The following SYNE3 variants were observed in gnomAD, a reference collection of about 807,000 sequenced individuals.
The protein encoded by SYNE3 is nesprin-3.
SYNE3 carries 100 observed loss-of-function variants against 111.2 expected under a neutral mutation model. The ratio of observed to expected loss-of-function variants is 0.90; its 90% confidence interval spans 0.77 to 1.06. SYNE3 has a LOEUF of 1.06. Among genes scored for constraint, SYNE3 ranks in the 50% least tolerant of loss-of-function variants. The probability of loss-of-function intolerance (pLI) is 0.00; values close to 1 mark genes in which losing one functional copy is unlikely to be tolerated. For missense variants in SYNE3, 1,160 were observed against 1,240.3 expected, an observed-to-expected ratio of 0.94 and a Z score of 0.97; for synonymous variants, 547 against 533.9, an observed-to-expected ratio of 1.02 and a Z score of -0.34.
intron 17 of SYNE3, among the ~76,000 whole-genome samples, chr14:95,428,947 TC>T (rs1885586393): frequency 6.6e-6 from 1 of 152,152 alleles, no homozygotes; most frequent in Non-Finnish European, 1.5e-5. Flanking sequence ...TAAGTATTTT[TC>T]CCCCTTTCCC....
chr14:95,469,899 G>A (rs989652571), intron 2 of SYNE3, among the ~76,000 whole-genome samples: 1 of 145,712 alleles, frequency 6.9e-6, no homozygotes, highest in Admixed American at 6.9e-5. Context: ...TGATGATGAC[G>A]ATGATGATAA....
At position 95,436,830 on chromosome 14, in the gene SYNE3, G is replaced by A. The variant is rs758715860; in HGVS notation, c.2528C>T (p.Ser843Leu). The A allele has an allele frequency of 1.2e-5, 19 of 1,614,066 alleles. No individual in the cohort carries two copies. Among genetic ancestry groups the A allele is most frequent in the East Asian group, 4.5e-5 (2 of 44,882 alleles). ...TCCTGGGGAACAGACCTGCAGCTTC[G>A]ATTTTCTGGTCCTCAAGTCCTCAGC... is the stretch of plus-strand genomic sequence containing the variant. ...STAEDLRTRK[S>L]KLQELEARVP... Residue 843 changes from serine (S) to leucine (L), a missense_variant, in exon 15 of 18, where the codon TCG (serine) becomes TTG (leucine). By Grantham distance (145) the Ser-to-Leu change is moderately radical. Transcript: ENST00000682763.
intron 17 of SYNE3, 77 bp from the exon 18 acceptor site, chr14:95,418,103 A>G: frequency 6.7e-7 from 1 of 1,497,600 alleles, no homozygotes; most frequent in Non-Finnish European, 9.2e-7. Context: ...GGCGAGGAGG[A>G]TGCCAGGAGC....
intron 17 of SYNE3, among the ~76,000 whole-genome samples, chr14:95,421,818 T>C (rs549317869): frequency 1.3e-5 from 2 of 152,328 alleles, no homozygotes; most frequent in Admixed American, 6.5e-5. Flanking sequence ...CCTCACGTCC[T>C]ATCGCCACAG....
At chr14:95,514,519 T>C (rs1319358792) in intron 1 of SYNE3, among the ~76,000 whole-genome samples, 1 of 152,236 alleles carries the variant, frequency 6.6e-6, no homozygotes, top group East Asian at 1.9e-4. Flanking sequence ...CTGTGACACC[T>C]TCTCACATGT....
intron 1 of SYNE3, among the ~76,000 whole-genome samples, chr14:95,479,827 G>C (rs376619301): frequency 7.2e-4 from 109 of 152,320 alleles, no homozygotes; most frequent in Non-Finnish European, 1.4e-3. Context: ...AGCTGGCAAG[G>C]GTTAGGCATT....
intron 1 of SYNE3, among the ~76,000 whole-genome samples, chr14:95,499,942 C>T (rs192579331): frequency 6.8e-4 from 98 of 143,742 alleles, no homozygotes; most frequent in Middle Eastern, 4.0e-3. Context: ...TCACTGCAAC[C>T]TCCGCCTCCC....
intron 4 of SYNE3, among the ~76,000 whole-genome samples, chr14:95,465,495 T>TG (rs1768893050): frequency 6.6e-6 from 1 of 151,218 alleles, no homozygotes; most frequent in Admixed American, 6.6e-5. Context: ...AATGGGTGAG[T>TG]GAGGAAGAGG....
rs1016390464 is a variant in SYNE3, at chr14:95,409,993, C to G, written c.*7833G>C. ...AAGAAATGAAAGCAAATATGCATTG[C>G]CTGGGCTGAATCCAAACACAAAGAA... is the stretch of plus-strand genomic sequence containing the variant. On this transcript the variant is annotated 3_prime_UTR_variant, in exon 18 of 18. Transcript: ENST00000682763. 1 of 155,470 alleles carries G rather than the reference C, an allele frequency of 6.4e-6. No homozygotes were observed. The highest frequency in any genetic ancestry group is 2.0e-4 in the South Asian group (1 of 5,046). The allele number at this position is 155,470 out of a possible 1,614,324, so 9.6% of individuals were successfully genotyped here.
intron 1 of SYNE3, among the ~76,000 whole-genome samples, chr14:95,488,336 A>T (rs1889655508): frequency 6.6e-6 from 1 of 152,164 alleles, no homozygotes; most frequent in Non-Finnish European, 1.5e-5. Context: ...CGTTGCCTGT[A>T]TCAGTGGTTT....
intron 4 of SYNE3, among the ~76,000 whole-genome samples, 169 bp from the exon 5 acceptor site, chr14:95,457,507 T>C (rs539071973): frequency 6.6e-6 from 1 of 152,324 alleles, no homozygotes; most frequent in African/African-American, 2.4e-5. Context: ...TCAGATACTC[T>C]GTTCTGCCTT....
chr14:95,417,940 G>A lies in SYNE3; in HGVS notation c.2814C>T (p.Leu938=). The part of the protein sequence containing the change: ...LPLQLLLLLF[L]LLLFLLPIRE... ...TGATTGGGAGCAGGAACAGCAGGAG[G>A]AGGAACAGCAGCAGAAGCAGCTGCA... The change falls in exon 18 of 18, where the codon CTC becomes CTT. Residue 938 remains leucine (L), a synonymous_variant. Coordinates refer to ENST00000682763, the MANE Select transcript of SYNE3 (RefSeq NM_152592.6). The A allele has an allele frequency of 6.2e-7, 1 of 1,614,026 alleles. No homozygotes were observed. Among genetic ancestry groups the A allele is most frequent in the Non-Finnish European group, 8.5e-7 (1 of 1,180,018 alleles).
At chr14:95,420,033 G>A (rs1449308420) in intron 17 of SYNE3, among the ~76,000 whole-genome samples, 1 of 134,198 alleles carries the variant, frequency 7.5e-6, no homozygotes, top group African/African-American at 2.8e-5. Flanking sequence ...GTATTCCCCT[G>A]CTCCAAGTAT....
chr14:95,459,615 T>C (rs1252212418), intron 4 of SYNE3, among the ~76,000 whole-genome samples: 1 of 152,168 alleles, frequency 6.6e-6, no homozygotes, highest in African/African-American at 2.4e-5. Context: ...AGTGAACGGG[T>C]AAGTGCATCT....
At chr14:95,464,326 T>C (rs1277480157) in intron 4 of SYNE3, among the ~76,000 whole-genome samples, 1 of 152,168 alleles carries the variant, frequency 6.6e-6, no homozygotes, top group South Asian at 2.1e-4. Context: ...TCTTAGTTAC[T>C]AGAAGCTTGG....
chr14:95,499,995 G>A (rs960124695), intron 1 of SYNE3, among the ~76,000 whole-genome samples: 8 of 151,094 alleles, frequency 5.3e-5, no homozygotes, highest in Non-Finnish European at 1.0e-4. Context: ...GAATAGCTGG[G>A]ACTACAGGCA....
intron 8 of SYNE3, among the ~76,000 whole-genome samples, chr14:95,447,226 T>TG (rs1886775087): frequency 6.6e-6 from 1 of 150,608 alleles, no homozygotes; most frequent in Non-Finnish European, 1.5e-5. Context: ...CTTCACCTCC[T>TG]GGGTTCACGC....
Position 95,500,243 on chromosome 14 carries a change from G to A in SYNE3, c.-15+16353C>T, listed in dbSNP as rs369928370. Among the ~76,000 whole-genome samples, 10 of 152,252 alleles carry A rather than the reference G, an allele frequency of 6.6e-5. No homozygotes were observed. Among genetic ancestry groups the A allele is most frequent in the African/African-American group, 2.4e-4 (10 of 41,532 alleles). On this transcript the variant is annotated intron_variant, in intron 1 of 17. Coordinates refer to ENST00000682763, the MANE Select transcript of SYNE3 (RefSeq NM_152592.6). The surrounding 1 kb of genome is among the most constrained non-coding windows in gnomAD (Gnocchi z 4.7). ...CTTCACCTCCTTGGAGTCCAAGGTC[G>A]ACTGTTAACAGGCTGTACAGGTTAT... is the stretch of plus-strand genomic sequence containing the variant.
At chr14:95,422,074 G>C (rs1414056207) in intron 17 of SYNE3, among the ~76,000 whole-genome samples, 1 of 152,156 alleles carries the variant, frequency 6.6e-6, no homozygotes, top group African/African-American at 2.4e-5. Context: ...CCTCAGCAGT[G>C]CTCAGTAAGT....
Sources: gnomAD v4.1 joint callset for allele counts (sites outside exome capture counted in the v4.1 genomes callset) on GRCh38, gnomAD v4.1.1 for gene constraint, Gnocchi (gnomAD v3.1) non-coding constraint, MANE v1.5 for transcripts, NCBI Gene and HGNC (gene_info 2026-07-23, HGNC 2026-07-21) for gene names.